The following PTPRD variants were observed in gnomAD, a reference collection of about 807,000 sequenced individuals.
PTPRD encodes the protein receptor-type tyrosine-protein phosphatase delta.
Under a neutral mutation model 214.5 loss-of-function variants are expected in PTPRD, and 34 were observed. The ratio of observed to expected loss-of-function variants is 0.16; its 90% CI spans 0.12 to 0.21. The LOEUF is 0.21. Ranked by LOEUF, PTPRD falls within the 10% of genes least tolerant of loss-of-function variation. The probability of loss-of-function intolerance (pLI) is 1.00; values close to 1 mark genes in which losing one functional copy is unlikely to be tolerated. For missense variants in PTPRD, 2,545 were observed against 2,398.7 expected (o/e 1.06, Z -1.27); for synonymous variants, 1,128 against 845.7 (o/e 1.33, Z -5.79).
At chr9:10,576,332 T>C (rs2069319925) in intron 2 of PTPRD, among the ~76,000 whole-genome samples, 1 of 152,138 alleles carries the variant, frequency 6.6e-6, no homozygotes, top group South Asian at 2.1e-4. Flanking sequence ...AGGGAAACTT[T>C]CTGTTGCTTT....
chr9:8,711,822 G>A (rs1441505954), intron 12 of PTPRD, among the ~76,000 whole-genome samples: 4 of 152,154 alleles, frequency 2.6e-5, no homozygotes, highest in Non-Finnish European at 5.9e-5. Context: ...CCAAATATTT[G>A]AAACAACCCA....
intron 7 of PTPRD, among the ~76,000 whole-genome samples, chr9:9,710,036 T>C (rs1040613820): frequency 2.0e-5 from 3 of 152,022 alleles, no homozygotes; most frequent in Non-Finnish European, 2.9e-5. Context: ...TAAAAGCAGA[T>C]TTTGTTTCTT....
intron 12 of PTPRD, among the ~76,000 whole-genome samples, chr9:8,717,485 C>A (rs961690382): frequency 1.3e-5 from 2 of 152,156 alleles, no homozygotes; most frequent in Admixed American, 6.5e-5. Flanking sequence ...GACTTCACAG[C>A]AGTCTCCTAA....
chr9:9,158,367 T>G (rs2154492778), intron 10 of PTPRD, among the ~76,000 whole-genome samples: 1 of 152,150 alleles, frequency 6.6e-6, no homozygotes, highest in Admixed American at 6.6e-5. Flanking sequence ...TTTGGGATGC[T>G]GAGGCAGGCA....
At chr9:10,142,280 T>A (rs1564088910) in intron 3 of PTPRD, among the ~76,000 whole-genome samples, 7 of 151,088 alleles carry the variant, frequency 4.6e-5, no homozygotes, top group Non-Finnish European at 8.9e-5. Context: ...AAATGGGATC[T>A]AATTAAACTA....
intron 34 of PTPRD, 143 bp downstream of exon 34, chr9:8,449,582 G>GC: frequency 1.4e-6 from 1 of 705,860 alleles, no homozygotes; most frequent in Non-Finnish European, 2.1e-6. Context: ...TTTTGCTTGG[G>GC]CAAGTCTCCA....
intron 9 of PTPRD, among the ~76,000 whole-genome samples, chr9:9,325,295 T>G (rs1969368684): frequency 6.6e-6 from 1 of 152,204 alleles, no homozygotes; most frequent in African/African-American, 2.4e-5. Flanking sequence ...TATGGCCATT[T>G]TCACGATATT....
intron 9 of PTPRD, among the ~76,000 whole-genome samples, chr9:9,245,092 G>A (rs959042885): frequency 4.6e-5 from 7 of 152,010 alleles, no homozygotes; most frequent in Non-Finnish European, 7.4e-5. Context: ...ATGAGATATC[G>A]TCTCATACCA....
At chr9:8,929,789 A>ATG (rs2098934856) in intron 11 of PTPRD, among the ~76,000 whole-genome samples, 1 of 118,876 alleles carries the variant, frequency 8.4e-6, no homozygotes, top group Non-Finnish European at 1.7e-5. Context: ...GGGTGTGTAT[A>ATG]TATGTGTGTG....
intron 2 of PTPRD, among the ~76,000 whole-genome samples, chr9:10,584,944 C>T (rs537562023): frequency 6.6e-6 from 1 of 152,070 alleles, no homozygotes; most frequent in African/African-American, 2.4e-5. Flanking sequence ...TACTCTCAGG[C>T]CAAAAATTGC....
intron 9 of PTPRD, among the ~76,000 whole-genome samples, chr9:9,214,754 T>C (rs571413496): frequency 2.0e-5 from 3 of 152,304 alleles, no homozygotes; most frequent in African/African-American, 7.2e-5. Flanking sequence ...ATAATATTCA[T>C]ACGTACATTT....
chr9:9,848,615 C>G (rs755283096), intron 5 of PTPRD, among the ~76,000 whole-genome samples: 4 of 152,102 alleles, frequency 2.6e-5, no homozygotes, highest in Admixed American at 1.3e-4. Flanking sequence ...CCCCAGAAAG[C>G]TGTGCCTTCA....
chr9:8,625,301 C>T (rs2095986660), intron 14 of PTPRD, among the ~76,000 whole-genome samples: 2 of 151,668 alleles, frequency 1.3e-5, no homozygotes. Context: ...TATTAAAAGC[C>T]ATCACGTTTT....
chr9:9,355,801 A>C (rs896874424), intron 9 of PTPRD, among the ~76,000 whole-genome samples: 5 of 151,524 alleles, frequency 3.3e-5, no homozygotes, highest in Admixed American at 1.3e-4. Flanking sequence ...AACCTGGAGC[A>C]TTTCAATGTT....
intron 4 of PTPRD, among the ~76,000 whole-genome samples, chr9:9,955,715 G>C (rs897609991): frequency 3.3e-5 from 5 of 152,056 alleles, no homozygotes; most frequent in African/African-American, 9.7e-5. Flanking sequence ...AGTAGAGACA[G>C]GGTTTCACCG....
intron 8 of PTPRD, among the ~76,000 whole-genome samples, chr9:9,450,950 TACACACACACAC>T (rs145703989): frequency 5.1e-5 from 7 of 136,682 alleles, no homozygotes; most frequent in South Asian, 2.3e-4. Flanking sequence ...CATACATACA[TACACACACACAC>T]ACACACACAC....
intron 5 of PTPRD, among the ~76,000 whole-genome samples, chr9:9,866,467 G>C (rs2063975402): frequency 6.6e-6 from 1 of 151,394 alleles, no homozygotes; most frequent in African/African-American, 2.5e-5. Flanking sequence ...AAAGGTTCTA[G>C]ATAAAGCTCG....
At chr9:9,310,373 G>A (rs951188378) in intron 9 of PTPRD, among the ~76,000 whole-genome samples, 1 of 152,078 alleles carries the variant, frequency 6.6e-6, no homozygotes, top group Non-Finnish European at 1.5e-5. Context: ...CAGACTAGTA[G>A]CATGTGGCCC....
intron 9 of PTPRD, among the ~76,000 whole-genome samples, chr9:9,322,271 G>A (rs1255358881): frequency 6.6e-5 from 10 of 152,124 alleles, no homozygotes; most frequent in South Asian, 2.1e-4. Flanking sequence ...ACTTTGGAAC[G>A]ATAAAAGCTA....
Sources: allele counts gnomAD v4.1 joint callset (sites outside exome capture counted in the v4.1 genomes callset), GRCh38; gene constraint gnomAD v4.1.1; transcripts MANE v1.5; gene names NCBI Gene and HGNC (gene_info 2026-07-23, HGNC 2026-07-21).